GALNT15: variants seen among roughly 807,000 people sequenced by gnomAD.
GALNT15 encodes polypeptide N-acetylgalactosaminyltransferase 15, also known as UDP-GalNAc transferase T15.
A neutral mutation model predicts 66.8 loss-of-function variants in GALNT15; 67 were observed. That is an observed-to-expected ratio of 1.00 (90% CI 0.82 to 1.23). GALNT15 has a LOEUF of 1.23. GALNT15 is among the 50% of genes most tolerant of loss of function. GALNT15 has a pLI of 0.00. For missense variants in GALNT15, 827 were observed against 804.3 expected (o/e 1.03, Z -0.34); for synonymous variants, 313 against 311.5 (o/e 1.00, Z -0.05).
chr3:16,241,976 A>G, the GALNT15 span, among the ~76,000 whole-genome samples: 3 of 152,200 alleles, frequency 2.0e-5, no homozygotes, highest in Admixed American at 1.3e-4. The surrounding 1 kb of genome is among the most constrained non-coding windows in gnomAD (Gnocchi z 4.6). Flanking sequence ...AGCTTCTCAC[A>G]TGGCAGGGGA....
chr3:16,222,331 C>A (rs2063951550), intron 8 of GALNT15, among the ~76,000 whole-genome samples: 1 of 152,182 alleles, frequency 6.6e-6, no homozygotes, highest in Non-Finnish European at 1.5e-5. Context: ...ACACACAGCA[C>A]TTTTTATGGC....
chr3:16,192,042 C>A (rs988039714), intron 1 of GALNT15, among the ~76,000 whole-genome samples: 1 of 152,074 alleles, frequency 6.6e-6, no homozygotes, highest in African/African-American at 2.4e-5. Context: ...ATTATGGTTA[C>A]CCTTACCTTC....
rs41284041 is a variant in GALNT15, at chr3:16,208,853, G to A, written c.1079+183G>A. ...TTACCTATAAGGGTTACCCTATAAGGGTTGTTGTGAAGATTGAATGAACTA... is the reference window on the plus strand; with the variant it reads ...TTACCTATAAGGGTTACCCTATAAGAGTTGTTGTGAAGATTGAATGAACTA... On this transcript the variant is annotated intron_variant, in intron 4 of 9. Transcript: ENST00000339732. Among the ~76,000 whole-genome samples, 9 of 152,264 alleles carry A rather than the reference G, an allele frequency of 5.9e-5. No individual in the cohort carries two copies. The East Asian group carries it at 1.5e-3, about 26-fold the overall frequency.
At chr3:16,220,046 A>G in intron 8 of GALNT15, 32 bp downstream of exon 8, 3 of 1,521,212 alleles carry the variant, frequency 2.0e-6, no homozygotes, top group Non-Finnish European at 2.7e-6. Context: ...GATGGATGAT[A>G]GCCCAAGAAG....
rs1306229471 is a variant in GALNT15, at chr3:16,175,218, C to G, written c.67C>G (p.Leu23Val). Reference protein sequence around the residue: ...RLQFLLLLLMLGCVLMMVAML... With the variant: ...RLQFLLLLLMVGCVLMMVAML... ...CCAGTTCCTCCTGCTGCTCCTGATG[C>G]TGGGATGCGTCCTGATGATGGTGGC... is the stretch of plus-strand genomic sequence containing the variant. The change falls in exon 1 of 10, where the codon CTG becomes GTG. Residue 23 changes from leucine to valine, a missense_variant. Leu to Val is a conservative substitution (Grantham distance 32, BLOSUM62 1). Coordinates refer to ENST00000339732, the MANE Select transcript of GALNT15 (RefSeq NM_054110.5). This position sits in a 1 kb window ranked among gnomAD's most constrained non-coding sequence, Gnocchi z 5.6. 9 of 1,614,082 alleles carry G rather than the reference C, an allele frequency of 5.6e-6. No homozygotes were observed. The highest frequency in any genetic ancestry group is 5.1e-6 in the Non-Finnish European group (6 of 1,180,046).
Position 16,227,465 on chromosome 3 carries a change from C to T in GALNT15, c.1885C>T (p.Arg629Cys), listed in dbSNP as rs753188342. The T allele has an allele frequency of 9.9e-6, 16 of 1,613,952 alleles. No individual in the cohort carries two copies. Among genetic ancestry groups the T allele is most frequent in the African/African-American group, 9.3e-5 (7 of 74,882 alleles). ...PCDGKARQQW[R>C]FDQINAVDER ...TGATGGAAAAGCCCGCCAGCAGTGG[C>T]GTTTTGACCAGATCAATGCTGTGGA... Residue 629 changes from arginine (R) to cysteine (C), a missense_variant, in exon 10 of 10, where the codon CGT becomes TGT. Coordinates refer to ENST00000339732, the MANE Select transcript of GALNT15 (RefSeq NM_054110.5). This position sits in a 1 kb window ranked among gnomAD's most constrained non-coding sequence, Gnocchi z 4.5.
chr3:16,221,174 A>C (rs1263043471), intron 8 of GALNT15, among the ~76,000 whole-genome samples: 2 of 82,404 alleles, frequency 2.4e-5, no homozygotes, highest in Admixed American at 1.5e-4. Context: ...GGGTTTGAAA[A>C]AGAAGAATAA....
rs1229170754 is a variant in GALNT15, at chr3:16,203,920, G to T, written c.911+3097G>T. ...CTCATACAAAGCCAAGCTGTGGAAG[G>T]CATTTGGTGCAGCTCCTCACATGGA... On this transcript the variant is annotated intron_variant, in intron 3 of 9. Coordinates refer to ENST00000339732, the MANE Select transcript of GALNT15 (RefSeq NM_054110.5). This position sits in a 1 kb window ranked among gnomAD's most constrained non-coding sequence, Gnocchi z 6.2. 8.5e-5 allele frequency among the ~76,000 whole-genome samples: 13 copies of T among 152,100 alleles called. No homozygotes were observed. Among genetic ancestry groups the T allele is most frequent in the Non-Finnish European group, 1.3e-4 (9 of 68,012 alleles).
chr3:16,231,133 G>C (rs1011478514), downstream of GALNT15, among the ~76,000 whole-genome samples: 2 of 117,402 alleles, frequency 1.7e-5, no homozygotes, highest in African/African-American at 6.5e-5. This position sits in a 1 kb window ranked among gnomAD's most constrained non-coding sequence, Gnocchi z 4.1. Context: ...TCACACCAGG[G>C]CCTGTTGAGG....
In GALNT15 at chr3:16,193,222, T is replaced by C. The variant is rs763743938; in HGVS notation, c.540-2538T>C. Among the ~76,000 whole-genome samples, 3 of 152,240 alleles carry C rather than the reference T, an allele frequency of 2.0e-5. No homozygotes were observed. Among genetic ancestry groups the C allele is most frequent in the Non-Finnish European group, 4.4e-5 (3 of 68,054 alleles). ...GATAATTCTGTTGCAGAATAAACAT[T>C]TTACTTTGGCTACCAGGGATCTCAG... On this transcript the variant is annotated intron_variant, in intron 1 of 9. Transcript: ENST00000339732. The surrounding 1 kb of genome is among the most constrained non-coding windows in gnomAD (Gnocchi z 4.7).
rs199760026 is a variant in GALNT15 at position 16,183,858 on chromosome 3, A to G, written c.539+8168A>G. 1.3e-4 allele frequency among the ~76,000 whole-genome samples: 20 copies of G among 152,316 alleles called. No individual in the cohort carries two copies. In the East Asian group the frequency reaches 2.7e-3, roughly 21 times the overall value. On this transcript the variant is annotated intron_variant, in intron 1 of 9. Transcript: ENST00000339732. This position sits in a 1 kb window ranked among gnomAD's most constrained non-coding sequence, Gnocchi z 5.2. Reference sequence around the variant, plus strand: ...GCTGTGACTCATTCTCTTCAGAGCCATCATCCAAATGCATTTTTCCAAGTT... The same window carrying G: ...GCTGTGACTCATTCTCTTCAGAGCCGTCATCCAAATGCATTTTTCCAAGTT...
chr3:16,244,633 A>T, the GALNT15 span, among the ~76,000 whole-genome samples: 1 of 152,212 alleles, frequency 6.6e-6, no homozygotes, highest in Non-Finnish European at 1.5e-5. Context: ...TTGAGCCCCC[A>T]CAAAGCAGCC....
downstream of GALNT15, among the ~76,000 whole-genome samples, chr3:16,232,556 C>G (rs1272929363): frequency 7.6e-6 from 1 of 132,310 alleles, no homozygotes; most frequent in African/African-American, 2.8e-5. Flanking sequence ...CTCTCAGCAG[C>G]CTTGTTTTCT....
rs2063922632 is a variant in GALNT15 at position 16,219,854 on chromosome 3, AGGGTG to A, written c.1525-55_1525-51del. The A allele has an allele frequency of 3.6e-6, 5 of 1,371,452 alleles. No individual in the cohort carries two copies. The highest frequency in any genetic ancestry group is 5.2e-6 in the Non-Finnish European group (5 of 959,612). 85.0% of individuals were successfully genotyped at this position (1,371,452 alleles called of 1,614,324 possible). On this transcript the variant is annotated intron_variant, in intron 7 of 9. Transcript: ENST00000339732. This position sits in a 1 kb window ranked among gnomAD's most constrained non-coding sequence, Gnocchi z 4.3. ...ACAGCAAAGGAATGGTGTCTGACCGAGGGTGTCTTTACAGTGGAATCTGGAATTCA... is the reference window on the plus strand; with the variant it reads ...ACAGCAAAGGAATGGTGTCTGACCGATCTTTACAGTGGAATCTGGAATTCA...
chr3:16,217,802 GT>G (rs1349613611), intron 6 of GALNT15, among the ~76,000 whole-genome samples: 1 of 152,172 alleles, frequency 6.6e-6, no homozygotes, highest in Non-Finnish European at 1.5e-5. Flanking sequence ...AAATGTTTCT[GT>G]TTTGGTAGCA....
In GALNT15 at chr3:16,229,102, G is replaced by T. The variant is rs2064054762; in HGVS notation, c.*1602G>T. On this transcript the variant is annotated 3_prime_UTR_variant, in exon 10 of 10. Coordinates refer to ENST00000339732, the MANE Select transcript of GALNT15 (RefSeq NM_054110.5). ...AGCTTAGAAATCTTCCCCTAAAGAT[G>T]CTAATCTCCTTTGGGCTGTCTCAGA... 1 of 985,298 alleles carries T rather than the reference G, an allele frequency of 1.0e-6. No individual in the cohort carries two copies. The highest frequency in any genetic ancestry group is 1.2e-6 in the Non-Finnish European group (1 of 829,940). The allele number at this position is 985,298 out of a possible 1,614,324, so 61.0% of individuals were successfully genotyped here. A position where few individuals can be genotyped will look rare whatever the true frequency, so the allele number is the denominator to read the frequency against.
At position 16,219,887 on chromosome 3, in the gene GALNT15, CCTG is replaced by C. The variant is rs1255380677; in HGVS notation, c.1525-22_1525-20del. 1 of 1,584,488 alleles carries C rather than the reference CCTG, an allele frequency of 6.3e-7. No homozygotes were observed. Among genetic ancestry groups the C allele is most frequent in the African/African-American group, 1.3e-5 (1 of 74,224 alleles). On this transcript the variant is annotated intron_variant, in intron 7 of 9. Transcript: ENST00000339732. The surrounding 1 kb of genome is among the most constrained non-coding windows in gnomAD (Gnocchi z 4.3). ...TTTACAGTGGAATCTGGAATTCACT[CCTG>C]TGTGTGTGTCCACTTTCAGCTCCAC...
At position 16,182,374 on chromosome 3, in the gene GALNT15, T is replaced by C. The variant is rs1002775138; in HGVS notation, c.539+6684T>C. 6.6e-6 allele frequency among the ~76,000 whole-genome samples: 1 copy of C among 152,214 alleles called. No individual in the cohort carries two copies. Among genetic ancestry groups the C allele is most frequent in the Non-Finnish European group, 1.5e-5 (1 of 68,042 alleles). ...CCAAGTAAATGTGATTCACAGGAAC[T>C]CACTCTCTAAGTGATTCTAATGTGT... On this transcript the variant is annotated intron_variant, in intron 1 of 9. Transcript: ENST00000339732. The surrounding 1 kb of genome is among the most constrained non-coding windows in gnomAD (Gnocchi z 6.1).
Position 16,204,364 on chromosome 3 carries a change from G to A in GALNT15, c.911+3541G>A, listed in dbSNP as rs1231794830. On this transcript the variant is annotated intron_variant, in intron 3 of 9. Transcript: ENST00000339732. The surrounding 1 kb of genome is among the most constrained non-coding windows in gnomAD (Gnocchi z 4.5). Reference sequence around the variant, plus strand: ...GTCAGCAAGTTGTTGAAATAAAAATGCAAATTTACAGTAATGATAATATTA... The same window carrying A: ...GTCAGCAAGTTGTTGAAATAAAAATACAAATTTACAGTAATGATAATATTA... 6.6e-6 allele frequency among the ~76,000 whole-genome samples: 1 copy of A among 152,140 alleles called. No homozygotes were observed. Among genetic ancestry groups the A allele is most frequent in the Non-Finnish European group, 1.5e-5 (1 of 68,032 alleles).
Sources: gnomAD v4.1 joint callset for allele counts (sites outside exome capture counted in the v4.1 genomes callset) on GRCh38, gnomAD v4.1.1 for gene constraint, Gnocchi (gnomAD v3.1) non-coding constraint, MANE v1.5 for transcripts, NCBI Gene and HGNC (gene_info 2026-07-23, HGNC 2026-07-21) for gene names.